The following CUX2 variants were observed in gnomAD, a reference collection of about 807,000 sequenced individuals.
CUX2 encodes the protein cut like homeobox 2, also known as homeobox protein cut-like 2.
In CUX2, 40 loss-of-function variants were observed where a neutral mutation model predicts 144.8. The ratio of observed to expected loss-of-function variants is 0.28; its 90% CI spans 0.21 to 0.36. The LOEUF is 0.36. Among genes scored for constraint, CUX2 ranks in the 10% least tolerant of loss-of-function variants. CUX2 has a pLI of 1.00. For missense variants in CUX2, 1,615 were observed against 1,994.0 expected (o/e 0.81, Z 3.62); for synonymous variants, 827 against 875.6 (o/e 0.94, Z 0.98).
At chr12:111,158,197 A>G (rs563334590) in intron 1 of CUX2, among the ~76,000 whole-genome samples, 1 of 152,274 alleles carries the variant, frequency 6.6e-6, no homozygotes, top group South Asian at 2.1e-4. Flanking sequence ...TCTCTTCCTC[A>G]CCTCACAAAC....
At chr12:111,249,930 A>G (rs1363723079) in intron 3 of CUX2, among the ~76,000 whole-genome samples, 1 of 152,118 alleles carries the variant, frequency 6.6e-6, no homozygotes, top group Non-Finnish European at 1.5e-5. Context: ...AGACACAATT[A>G]TTCACTATAG....
At chr12:111,325,189 G>T (rs1244412159) in intron 18 of CUX2, among the ~76,000 whole-genome samples, 1 of 151,928 alleles carries the variant, frequency 6.6e-6, no homozygotes, top group Non-Finnish European at 1.5e-5. Context: ...AGCTACTCAG[G>T]AGGCTGAGGC....
intron 3 of CUX2, among the ~76,000 whole-genome samples, chr12:111,227,690 G>A (rs1040257135): frequency 6.6e-6 from 1 of 152,142 alleles, no homozygotes; most frequent in Non-Finnish European, 1.5e-5. Context: ...GCCAGCTGGG[G>A]GCAGGGAGTG....
chr12:111,187,432 T>C (rs1237501594), intron 1 of CUX2, among the ~76,000 whole-genome samples: 1 of 149,268 alleles, frequency 6.7e-6, no homozygotes, highest in Non-Finnish European at 1.5e-5. Flanking sequence ...CCCCCACTGC[T>C]CTGTGTGAAA....
At chr12:111,346,853 A>T (rs1888831783) in intron 21 of CUX2, among the ~76,000 whole-genome samples, 2 of 152,160 alleles carry the variant, frequency 1.3e-5, no homozygotes, top group Non-Finnish European at 2.9e-5. Context: ...CTCTACTAAA[A>T]ATACAAAAAT....
At chr12:111,330,720 T>TATATATATATATATACATATAC (rs1592977236) in intron 18 of CUX2, among the ~76,000 whole-genome samples, 1 of 49,858 alleles carries the variant, frequency 2.0e-5, no homozygotes, top group East Asian at 3.6e-4. Context: ...TATATATATA[T>TATATATATATATATACATATAC]ATATATATAT....
At chr12:111,078,653 G>A (rs539637298) in intron 1 of CUX2, among the ~76,000 whole-genome samples, 3 of 152,198 alleles carry the variant, frequency 2.0e-5, no homozygotes, top group Non-Finnish European at 4.4e-5. Context: ...CTGGGCGACC[G>A]AGAAAGATCC....
chr12:111,157,269 G>C (rs1877456088), intron 1 of CUX2, among the ~76,000 whole-genome samples: 1 of 149,050 alleles, frequency 6.7e-6, no homozygotes. Context: ...GCAAAAGAGA[G>C]CCTCATTCAA....
At position 111,279,614 on chromosome 12, in the gene CUX2, G is replaced by A. The variant is rs895742051; in HGVS notation, c.302-11804G>A. Among the ~76,000 whole-genome samples, 5 of 152,100 alleles carry A rather than the reference G, an allele frequency of 3.3e-5. No individual in the cohort carries two copies. The East Asian group carries it at 9.7e-4, about 29-fold the overall frequency. On this transcript the variant is annotated intron_variant, in intron 4 of 21. Coordinates refer to ENST00000261726, the MANE Select transcript of CUX2 (RefSeq NM_015267.4). ...AAGATGGAAGGATTGCTGGAACCCA[G>A]GAGTTTGGCACCACAGTGAGCTGTG...
chr12:111,096,850 C>T (rs1872845108), intron 1 of CUX2, among the ~76,000 whole-genome samples: 1 of 152,018 alleles, frequency 6.6e-6, no homozygotes, highest in African/African-American at 2.4e-5. Flanking sequence ...TGGTGGTGGG[C>T]ACCTGTAATC....
chr12:111,256,351 T>C (rs2136281532), intron 3 of CUX2, among the ~76,000 whole-genome samples: 1 of 152,210 alleles, frequency 6.6e-6, no homozygotes. Flanking sequence ...CCCAGCTCAT[T>C]CCTTCATTCC....
intron 1 of CUX2, among the ~76,000 whole-genome samples, chr12:111,187,094 T>G: frequency 6.6e-6 from 1 of 152,184 alleles, no homozygotes; most frequent in East Asian, 1.9e-4. Flanking sequence ...ATGTATATTT[T>G]TACGCTCTAA....
intron 3 of CUX2, among the ~76,000 whole-genome samples, chr12:111,232,032 TG>T (rs1882489357): frequency 1.3e-5 from 2 of 150,736 alleles, no homozygotes; most frequent in Non-Finnish European, 3.0e-5. Context: ...CTTGAACCTT[TG>T]TAAAAGAACA....
chr12:111,123,315 T>G (rs1380294509), intron 1 of CUX2, among the ~76,000 whole-genome samples: 2 of 152,186 alleles, frequency 1.3e-5, no homozygotes, highest in Non-Finnish European at 2.9e-5. Flanking sequence ...CCCAAATAGC[T>G]GGGATTACAG....
In CUX2 at chr12:111,295,111, C is replaced by T. The variant is rs1443918619; in HGVS notation, c.561-222C>T. Among the ~76,000 whole-genome samples the T allele has an allele frequency of 6.6e-6, 1 of 152,176 alleles. No homozygotes were observed. Among genetic ancestry groups the T allele is most frequent in the African/African-American group, 2.4e-5 (1 of 41,436 alleles). On this transcript the variant is annotated intron_variant, in intron 6 of 21. Coordinates refer to ENST00000261726, the MANE Select transcript of CUX2 (RefSeq NM_015267.4). This position sits in a 1 kb window ranked among gnomAD's most constrained non-coding sequence, Gnocchi z 5.0. ...TACTGTAAATTTTGCCCCTAAAAAT[C>T]CTGGCAGAAACTAACAGGAGCAGCC... is the stretch of plus-strand genomic sequence containing the variant.
At chr12:111,282,247 G>A (rs1885149027) in intron 4 of CUX2, among the ~76,000 whole-genome samples, 1 of 151,216 alleles carries the variant, frequency 6.6e-6, no homozygotes, top group African/African-American at 2.4e-5. Context: ...GTGTGAACCT[G>A]GGAGGCAGAG....
chr12:111,036,925 A>C (rs1869487662), intron 1 of CUX2, among the ~76,000 whole-genome samples: 1 of 88,414 alleles, frequency 1.1e-5, no homozygotes, highest in South Asian at 4.3e-4. Flanking sequence ...CCATATCCTC[A>C]CTGATGGCAT....
rs967067718 is a variant in CUX2, at chr12:111,349,655, A to G, written c.*1330A>G. On this transcript the variant is annotated 3_prime_UTR_variant, in exon 22 of 22. Coordinates refer to ENST00000261726, the MANE Select transcript of CUX2 (RefSeq NM_015267.4). ...GGAGCAGAGACTTAACCCCCAACTC[A>G]GAGGAACCCTTCCTCCAGCGTCTTT... 1 of 152,198 alleles carries G rather than the reference A, an allele frequency of 6.6e-6. No individual in the cohort carries two copies. Among genetic ancestry groups the G allele is most frequent in the African/African-American group, 2.4e-5 (1 of 41,438 alleles). 9.4% of individuals were successfully genotyped at this position (152,198 alleles called of 1,614,324 possible). A position where few individuals can be genotyped will look rare whatever the true frequency, so the allele number is the denominator to read the frequency against.
intron 1 of CUX2, among the ~76,000 whole-genome samples, chr12:111,040,664 G>A (rs1869697372): frequency 6.6e-6 from 1 of 152,100 alleles, no homozygotes; most frequent in Non-Finnish European, 1.5e-5. Flanking sequence ...CACCCCAGAG[G>A]GTTTTGACCA....
Sources: allele counts gnomAD v4.1 joint callset (sites outside exome capture counted in the v4.1 genomes callset), GRCh38; gene constraint gnomAD v4.1.1; non-coding constraint Gnocchi (gnomAD v3.1); transcripts MANE v1.5; gene names NCBI Gene and HGNC (gene_info 2026-07-23, HGNC 2026-07-21).